The following CETN3 variants were observed in gnomAD, a reference collection of about 807,000 sequenced individuals.
CETN3 encodes the protein centrin 3.
A neutral mutation model predicts 20.1 loss-of-function variants in CETN3; 17 were observed. The observed-to-expected ratio is 0.85, with a 90% CI of 0.58 to 1.27. The LOEUF (loss-of-function observed/expected upper bound fraction) is 1.27, where lower values mean the gene tolerates loss of function less well. Ranked by LOEUF, CETN3 falls within the 50% of genes most tolerant of loss-of-function variation. The pLI, the probability that CETN3 is intolerant of heterozygous loss-of-function variation, is 0.00. For synonymous variants in CETN3, 52 were observed against 59.7 expected (o/e 0.87, Z 0.59); for missense variants, 169 against 191.2 (o/e 0.88, Z 0.69).
At chr5:90,408,785 G>C (rs1386788938) in intron 1 of CETN3, among the ~76,000 whole-genome samples, 1 of 141,394 alleles carries the variant, frequency 7.1e-6, no homozygotes, top group African/African-American at 2.8e-5. Flanking sequence ...AAGTCGTTTT[G>C]GTCTCTGAAA....
intron 3 of CETN3, among the ~76,000 whole-genome samples, chr5:90,403,030 T>C (rs1244244720): frequency 6.6e-6 from 1 of 152,240 alleles, no homozygotes; most frequent in Non-Finnish European, 1.5e-5. Context: ...TTGACTTATG[T>C]TAGTCTTAAA....
chr5:90,399,087 G>A (rs1749211693), intron 4 of CETN3: 1 of 568,970 alleles, frequency 1.8e-6, no homozygotes. Flanking sequence ...TGTAGGTTGA[G>A]GGAGAAGCCA....
chr5:90,394,366 A>G (rs1561405162), intron 4 of CETN3, among the ~76,000 whole-genome samples: 1 of 152,036 alleles, frequency 6.6e-6, no homozygotes, highest in Non-Finnish European at 1.5e-5. Context: ...GGGAAAAGAT[A>G]ATGTTACCAA....
rs146936980 is a variant in CETN3, at chr5:90,394,657, C to G, written c.461-550G>C. On this transcript the variant is annotated intron_variant, in intron 4 of 4. Coordinates refer to ENST00000283122, the MANE Select transcript of CETN3 (RefSeq NM_004365.4). The stretch of plus-strand genomic sequence containing the variant: ...AATAATTAAAACCAGGTCACCATAC[C>G]TCAAAGGTATCAATAAAAATGGCAA... Among the ~76,000 whole-genome samples the G allele has an allele frequency of 1.6e-3, 237 of 151,702 alleles. 1 individual carries two copies. The highest frequency in any genetic ancestry group is 5.5e-3 in the African/African-American group (226 of 41,422).
intron 2 of CETN3, among the ~76,000 whole-genome samples, chr5:90,407,173 T>C (rs1389862855): frequency 1.3e-5 from 2 of 152,154 alleles, no homozygotes; most frequent in Non-Finnish European, 2.9e-5. Context: ...TTTACAAATC[T>C]CTCCCTACAC....
chr5:90,394,137 G>A (rs766543291), intron 4 of CETN3, 30 bp from the exon 5 acceptor site: 1 of 1,426,204 alleles, frequency 7.0e-7, no homozygotes, highest in African/African-American at 1.4e-5. Flanking sequence ...GAAATAGTCA[G>A]AAATATAAAC....
At chr5:90,404,543 T>C (rs1413967453) in intron 3 of CETN3, among the ~76,000 whole-genome samples, 2 of 152,212 alleles carry the variant, frequency 1.3e-5, no homozygotes, top group Non-Finnish European at 2.9e-5. Flanking sequence ...ATGTCCCCAA[T>C]GGACAAGTTG....
chr5:90,407,806 TCTTTG>T lies in CETN3; in HGVS notation c.41_45del (p.Thr14LysfsTer9). The stretch of plus-strand genomic sequence containing the variant: ...TCAGACAGTTCTCTTCTTTTTTTCC[TCTTTG>T]TTTTGTCCACTACAAGCTCACTTCT... On this transcript the variant is annotated frameshift_variant, in exon 2 of 5. Transcript: ENST00000283122. LOFTEE classifies it high-confidence loss of function. The T allele has an allele frequency of 6.2e-7, 1 of 1,601,900 alleles. No homozygotes were observed. The highest frequency in any genetic ancestry group is 8.5e-7 in the Non-Finnish European group (1 of 1,174,266).
In CETN3 at chr5:90,399,522, G is replaced by A. The variant is rs1486594816; in HGVS notation, c.296C>T (p.Pro99Leu). Residue 99 changes from proline (P) to leucine (L), a missense_variant, in exon 4 of 5, where the codon CCC (proline) becomes CTC (leucine). Pro to Leu is a moderately conservative substitution (Grantham distance 98). Coordinates refer to ENST00000283122, the MANE Select transcript of CETN3 (RefSeq NM_004365.4). ...AAATGCCTTGAGTATTTCTTCATGG[G>A]GATCTCTTTCCAATATCCAGTCTGT... The part of the protein sequence containing the change: ...VVTDWILERD[P>L]HEEILKAFKL... The A allele has an allele frequency of 6.2e-7, 1 of 1,612,900 alleles. No homozygotes were observed. Among genetic ancestry groups the A allele is most frequent in the Admixed American group, 1.7e-5 (1 of 59,984 alleles).
Position 90,393,533 on chromosome 5 carries a change from T to C in CETN3, c.*531A>G, listed in dbSNP as rs935314483. ...ATTAGGCTTATATTGAGTCAGCTTG[T>C]ATTAAAATATAGAATGTCAAAATTG... On this transcript the variant is annotated 3_prime_UTR_variant, in exon 5 of 5. Transcript: ENST00000283122. 6.6e-6 allele frequency: 1 copy of C among 152,348 alleles called. No individual in the cohort carries two copies. Among genetic ancestry groups the C allele is most frequent in the Admixed American group, 6.5e-5 (1 of 15,274 alleles). The allele number at this position is 152,348 out of a possible 1,614,324, so 9.4% of individuals were successfully genotyped here. A position where few individuals can be genotyped will look rare whatever the true frequency, so the allele number is the denominator to read the frequency against.
intron 3 of CETN3, among the ~76,000 whole-genome samples, chr5:90,403,858 G>A (rs899452409): frequency 1.1e-4 from 12 of 108,996 alleles, no homozygotes; most frequent in Non-Finnish European, 1.5e-4. Flanking sequence ...GCGACAGAGC[G>A]AGACTCTGTC....
At chr5:90,394,141 T>G in intron 4 of CETN3, 34 bp from the exon 5 acceptor site, 1 of 1,400,990 alleles carries the variant, frequency 7.1e-7, no homozygotes, top group Non-Finnish European at 9.9e-7. Flanking sequence ...TAGTCAGAAA[T>G]ATAAACATTT....
chr5:90,398,077 A>G (rs2151882130), intron 4 of CETN3, among the ~76,000 whole-genome samples: 1 of 151,882 alleles, frequency 6.6e-6, no homozygotes, highest in Non-Finnish European at 1.5e-5. Context: ...GGGGGAAGTG[A>G]CTCTTTCTGT....
chr5:90,402,792 A>G (rs986921889), intron 3 of CETN3, among the ~76,000 whole-genome samples: 1 of 152,234 alleles, frequency 6.6e-6, no homozygotes, highest in Admixed American at 6.5e-5. Context: ...AGACAAAATT[A>G]CAATTTACCA....
At chr5:90,408,864 CTTCCT>C (rs901111001) in intron 1 of CETN3, among the ~76,000 whole-genome samples, 19 of 149,082 alleles carry the variant, frequency 1.3e-4, no homozygotes, top group Admixed American at 1.0e-3. Context: ...TGAGGAAGAT[CTTCCT>C]TTCATGAGAC....
Position 90,409,674 on chromosome 5 carries a change from CAG to C in CETN3, c.-15_-14del, listed in dbSNP as rs749325580. On this transcript the variant is annotated 5_prime_UTR_variant, in exon 1 of 5. Transcript: ENST00000283122. Reference sequence around the variant, plus strand: ...GAGCTAAACTCATTATCTCTTCGCACAGAGACGTTCCTCTCAAGAACGATTTT... The same window carrying C: ...GAGCTAAACTCATTATCTCTTCGCACAGACGTTCCTCTCAAGAACGATTTT... 6.2e-7 allele frequency: 1 copy of C among 1,614,174 alleles called. No individual in the cohort carries two copies. Among genetic ancestry groups the C allele is most frequent in the Non-Finnish European group, 8.5e-7 (1 of 1,180,028 alleles).
chr5:90,403,966 T>C (rs971273041), intron 3 of CETN3, among the ~76,000 whole-genome samples: 1 of 151,560 alleles, frequency 6.6e-6, no homozygotes, highest in Admixed American at 6.6e-5. Context: ...TTAGTGATGA[T>C]ACAGTGCTTA....
intron 4 of CETN3, chr5:90,398,942 G>A (rs1180768688): frequency 3.7e-6 from 1 of 267,714 alleles, no homozygotes; most frequent in South Asian, 5.4e-5. Flanking sequence ...AGGCAGCCAA[G>A]GCAAGAATAA....
At chr5:90,399,621 AAAT>A (rs1749231155) in intron 3 of CETN3, 72 bp from the exon 4 acceptor site, 1 of 1,192,844 alleles carries the variant, frequency 8.4e-7, no homozygotes, top group Non-Finnish European at 1.2e-6. Context: ...GAAATCAACT[AAAT>A]ATTAGATGAG....
Sources: allele counts gnomAD v4.1 joint callset (sites outside exome capture counted in the v4.1 genomes callset), GRCh38; gene constraint gnomAD v4.1.1; transcripts MANE v1.5; gene names NCBI Gene and HGNC (gene_info 2026-07-23, HGNC 2026-07-21).